The following MYO1H variants were observed in gnomAD, a reference collection of about 807,000 sequenced individuals.
MYO1H encodes the protein unconventional myosin-Ih.
In MYO1H, 118 loss-of-function variants were observed where a neutral mutation model predicts 149.3. The ratio of observed to expected loss-of-function variants is 0.79; its 90% CI spans 0.68 to 0.92. The LOEUF (loss-of-function observed/expected upper bound fraction) is 0.92, where lower values mean the gene tolerates loss of function less well. Ranked by LOEUF, MYO1H falls within the 40% of genes least tolerant of loss-of-function variation. The pLI, the probability that MYO1H is intolerant of heterozygous loss-of-function variation, is 0.00. For missense variants in MYO1H, 1,212 were observed against 1,280.7 expected (o/e 0.95, Z 0.82); for synonymous variants, 447 against 465.2 (o/e 0.96, Z 0.50).
At chr12:109,347,850 C>T, upstream of MYO1H, 1 of 398,712 alleles carries the variant, frequency 2.5e-6, no homozygotes, top group Non-Finnish European at 4.4e-6. Context: ...AGAATCGCCT[C>T]ATACCTTGTT....
At chr12:109,322,456 A>G in the MYO1H span, among the ~76,000 whole-genome samples, 1 of 151,662 alleles carries the variant, frequency 6.6e-6, no homozygotes, top group Non-Finnish European at 1.5e-5. Context: ...CAGTGGGGTC[A>G]CAGTTACTGC....
At chr12:109,407,762 C>T in intron 9 of MYO1H, 32 bp from the exon 10 acceptor site, 2 of 1,608,904 alleles carry the variant, frequency 1.2e-6, no homozygotes, top group Non-Finnish European at 1.7e-6. Context: ...CTTTTTTCCA[C>T]CTATAATGAT....
At chr12:109,406,160 G>C (rs988923184) in intron 8 of MYO1H, 125 bp downstream of exon 8, 7 of 663,892 alleles carry the variant, frequency 1.1e-5, no homozygotes, top group Admixed American at 5.6e-5. Context: ...ATATTGGTTA[G>C]GAGGTTTAAA....
chr12:109,404,222 A>G (rs937717291), intron 7 of MYO1H, 142 bp downstream of exon 7: 27 of 653,498 alleles, frequency 4.1e-5, no homozygotes, highest in Non-Finnish European at 6.9e-5. Context: ...GCACACCTGT[A>G]ATTCCAGCAT....
At chr12:109,446,272 T>G in intron 31 of MYO1H, 1 of 985,450 alleles carries the variant, frequency 1.0e-6, no homozygotes, top group Non-Finnish European at 1.2e-6. Context: ...AGGGTCCCAG[T>G]GGTCCTCGCT....
At chr12:109,320,890 C>T in the MYO1H span, among the ~76,000 whole-genome samples, 1 of 152,068 alleles carries the variant, frequency 6.6e-6, no homozygotes, top group Non-Finnish European at 1.5e-5. Flanking sequence ...GAGATCAAGA[C>T]TGTCCTGGCC....
At chr12:109,433,871 C>G (rs1001209454) in intron 20 of MYO1H, among the ~76,000 whole-genome samples, 1 of 152,160 alleles carries the variant, frequency 6.6e-6, no homozygotes, top group Non-Finnish European at 1.5e-5. Context: ...GAAACAGGGA[C>G]AAGGGAGAGT....
At chr12:109,435,191 G>C in intron 21 of MYO1H, 78 bp downstream of exon 21, 1 of 943,504 alleles carries the variant, frequency 1.1e-6, no homozygotes, top group Non-Finnish European at 1.6e-6. Context: ...TCTTAAACAC[G>C]GGTGTTTGAT....
intron 10 of MYO1H, among the ~76,000 whole-genome samples, chr12:109,409,258 T>C (rs915511632): frequency 3.8e-4 from 40 of 104,298 alleles, no homozygotes; most frequent in South Asian, 6.4e-4. Flanking sequence ...TTTTTTTTTT[T>C]TTTTTTTTTT....
At chr12:109,337,823 A>C in the MYO1H span, among the ~76,000 whole-genome samples, 4 of 152,150 alleles carry the variant, frequency 2.6e-5, no homozygotes, top group African/African-American at 7.2e-5. Context: ...AGAAGTTTTA[A>C]TCTGAGGGTA....
chr12:109,434,424 A>T (rs145928274), intron 20 of MYO1H, among the ~76,000 whole-genome samples: 77 of 151,854 alleles, frequency 5.1e-4, no homozygotes, highest in African/African-American at 1.8e-3. Context: ...AACCTGGGAG[A>T]TGGGGGTTGC....
chr12:109,422,128 G>T (rs1871199334), intron 16 of MYO1H, among the ~76,000 whole-genome samples: 1 of 152,154 alleles, frequency 6.6e-6, no homozygotes, highest in South Asian at 2.1e-4. Context: ...CTAAAACCTT[G>T]AGTTTTTAAG....
chr12:109,385,864 C>G (rs1168031664), intron 1 of MYO1H, among the ~76,000 whole-genome samples: 1 of 152,126 alleles, frequency 6.6e-6, no homozygotes, highest in Non-Finnish European at 1.5e-5. Flanking sequence ...TACCTCTTCC[C>G]CACTTATTTT....
chr12:109,373,638 G>A (rs920548270), intron 1 of MYO1H, among the ~76,000 whole-genome samples: 2 of 152,118 alleles, frequency 1.3e-5, no homozygotes, highest in East Asian at 1.9e-4. Flanking sequence ...ATCACTTATT[G>A]AGGAATTTGG....
chr12:109,355,950 T>G (rs1346499073), intron 1 of MYO1H, among the ~76,000 whole-genome samples: 1 of 151,900 alleles, frequency 6.6e-6, no homozygotes, highest in Non-Finnish European at 1.5e-5. Flanking sequence ...ACTCCTGACC[T>G]CAAGTGATCT....
At chr12:109,376,912 G>A (rs1038181512) in intron 1 of MYO1H, among the ~76,000 whole-genome samples, 1 of 152,134 alleles carries the variant, frequency 6.6e-6, no homozygotes, top group Non-Finnish European at 1.5e-5. Flanking sequence ...AGAATACTGA[G>A]TCTTTCCATT....
exon 14 of MYO1H, chr12:109,411,910 G>C: frequency 6.2e-7 from 1 of 1,605,202 alleles, no homozygotes; most frequent in Non-Finnish European, 8.5e-7. Flanking sequence ...GAATGCATTC[G>C]GCCTGGTCCT....
chr12:109,388,739 C>T, exon 2 of MYO1H: 1 of 1,611,238 alleles, frequency 6.2e-7, no homozygotes, highest in Non-Finnish European at 8.5e-7. Flanking sequence ...CGCTGACTGC[C>T]CGGGACAAGG....
chr12:109,398,720 A>G (rs924267966), intron 5 of MYO1H, among the ~76,000 whole-genome samples: 58 of 148,014 alleles, frequency 3.9e-4, no homozygotes, highest in Middle Eastern at 3.5e-3. Flanking sequence ...CAGCCCGGGC[A>G]ACAAGAGCGA....
Sources: allele counts gnomAD v4.1 joint callset (sites outside exome capture counted in the v4.1 genomes callset), GRCh38; gene constraint gnomAD v4.1.1; transcripts MANE v1.5; gene names NCBI Gene and HGNC (gene_info 2026-07-23, HGNC 2026-07-21).